The following DAB1 variants were observed in gnomAD, a reference collection of about 807,000 sequenced individuals.
The protein encoded by DAB1 is DAB adaptor protein 1, also known as disabled homolog 1.
In DAB1, 15 loss-of-function variants were observed where a neutral mutation model predicts 64.6. That is an observed-to-expected ratio of 0.23 (90% CI 0.16 to 0.36). The LOEUF (loss-of-function observed/expected upper bound fraction) is 0.36. Among genes scored for constraint, DAB1 ranks in the 10% least tolerant of loss-of-function variants. The probability of loss-of-function intolerance (pLI) is 1.00; values close to 1 mark genes in which losing one functional copy is unlikely to be tolerated. For synonymous variants in DAB1, 235 were observed against 251.9 expected, an observed-to-expected ratio of 0.93 and a Z score of 0.64; for missense variants, 596 against 706.7, an observed-to-expected ratio of 0.84 and a Z score of 1.78.
At chr1:58,219,908 A>G (rs749494428) in intron 4 of DAB1, among the ~76,000 whole-genome samples, 16 of 152,360 alleles carry the variant, frequency 1.1e-4, no homozygotes, top group Non-Finnish European at 1.8e-4. Context: ...TGTGCTTACA[A>G]TAGGCTTTTT....
chr1:58,235,381 G>A (rs1659972434), intron 4 of DAB1, among the ~76,000 whole-genome samples: 3 of 152,152 alleles, frequency 2.0e-5, no homozygotes, highest in African/African-American at 4.8e-5. Flanking sequence ...CCTATTTTGA[G>A]GCTGTTATGT....
chr1:57,735,363 G>A (rs745427093), intron 6 of DAB1, among the ~76,000 whole-genome samples: 43 of 152,082 alleles, frequency 2.8e-4, no homozygotes, highest in Admixed American at 8.5e-4. Flanking sequence ...TATCTCACTG[G>A]AGGTTTGAAG....
intron 1 of DAB1, among the ~76,000 whole-genome samples, chr1:57,301,709 A>G (rs1673674811): frequency 6.6e-6 from 1 of 152,198 alleles, no homozygotes; most frequent in Admixed American, 6.5e-5. Flanking sequence ...CAGAAAGAGA[A>G]CAGAACCGAC....
chr1:57,814,160 A>C (rs1020202998), intron 6 of DAB1, among the ~76,000 whole-genome samples: 3 of 152,152 alleles, frequency 2.0e-5, no homozygotes, highest in African/African-American at 7.2e-5. Context: ...CGAGGACACA[A>C]ATGAGTGTTT....
intron 3 of DAB1, among the ~76,000 whole-genome samples, chr1:58,474,720 T>C (rs1386143228): frequency 6.6e-6 from 1 of 152,182 alleles, no homozygotes; most frequent in African/African-American, 2.4e-5. Flanking sequence ...AAAGCAAAGA[T>C]CCCAAATAAT....
rs374527880 is a variant in DAB1 at position 57,539,746 on chromosome 1, G to A, written n.625+109846C>T. ...AATAAAAATAAATGTAATTTAAAAA[G>A]GCCAAAGATCATCTCCAACTTGTAC... On this transcript the variant is annotated intron_variant and non_coding_transcript_variant, in intron 7 of 20. Coordinates refer to the DAB1 transcript ENST00000485760. 3.3e-5 allele frequency among the ~76,000 whole-genome samples: 5 copies of A among 152,266 alleles called. No individual in the cohort carries two copies. The East Asian group carries it at 9.6e-4, about 29-fold the overall frequency.
intron 4 of DAB1, among the ~76,000 whole-genome samples, chr1:57,121,690 G>T (rs1367675184): frequency 6.6e-6 from 1 of 151,898 alleles, no homozygotes; most frequent in African/African-American, 2.4e-5. Flanking sequence ...TTACGGTTTT[G>T]GATTTTACAT....
intron 1 of DAB1, among the ~76,000 whole-genome samples, chr1:57,333,542 G>T (rs1190129557): frequency 6.6e-6 from 1 of 152,192 alleles, no homozygotes; most frequent in Non-Finnish European, 1.5e-5. Context: ...CAATAGCACA[G>T]TGCTAGGCAA....
At chr1:57,956,966 A>C (rs985056622) in intron 5 of DAB1, among the ~76,000 whole-genome samples, 4 of 152,224 alleles carry the variant, frequency 2.6e-5, no homozygotes, top group African/African-American at 4.8e-5. Flanking sequence ...GTTTCTTTGC[A>C]AACTTGCTCA....
At chr1:57,176,736 TG>T (rs956834596) in intron 2 of DAB1, among the ~76,000 whole-genome samples, 5 of 152,058 alleles carry the variant, frequency 3.3e-5, no homozygotes, top group African/African-American at 1.2e-4. Flanking sequence ...CTTCTGGTTA[TG>T]GGCAAAGATT....
intron 4 of DAB1, among the ~76,000 whole-genome samples, chr1:58,174,859 T>A (rs1656378332): frequency 6.6e-6 from 1 of 152,092 alleles, no homozygotes; most frequent in African/African-American, 2.4e-5. Context: ...AATGCACCAA[T>A]CAGTGCTCTG....
chr1:57,247,209 GT>G (rs1668951485), intron 2 of DAB1, among the ~76,000 whole-genome samples: 1 of 152,100 alleles, frequency 6.6e-6, no homozygotes, highest in Non-Finnish European at 1.5e-5. Flanking sequence ...AATTGTAATC[GT>G]CACACGTCAG....
chr1:58,470,213 A>G (rs1645342117), intron 3 of DAB1, among the ~76,000 whole-genome samples: 1 of 151,160 alleles, frequency 6.6e-6, no homozygotes, highest in Admixed American at 6.6e-5. Flanking sequence ...TCATTCTGTC[A>G]CCCAGGTTGG....
chr1:57,609,517 C>A (rs1354596206), intron 7 of DAB1, among the ~76,000 whole-genome samples: 3 of 152,124 alleles, frequency 2.0e-5, no homozygotes, highest in African/African-American at 4.8e-5. Context: ...TACCCAGGGA[C>A]AACTTTACAA....
At chr1:58,262,128 A>G (rs1012739849) in intron 4 of DAB1, among the ~76,000 whole-genome samples, 1 of 152,204 alleles carries the variant, frequency 6.6e-6, no homozygotes, top group African/African-American at 2.4e-5. Flanking sequence ...AGAATAGATA[A>G]AGTGAGATAG....
chr1:58,410,400 A>G (rs1477811458), intron 3 of DAB1, among the ~76,000 whole-genome samples: 1 of 152,184 alleles, frequency 6.6e-6, no homozygotes, highest in Admixed American at 6.5e-5. Flanking sequence ...CTGCCTTTCA[A>G]GCATCCCACC....
chr1:57,497,903 T>G (rs146226473), intron 7 of DAB1, among the ~76,000 whole-genome samples: 1,609 of 152,300 alleles, frequency 0.011, 15 homozygotes, highest in South Asian at 0.033. Flanking sequence ...ATTTTGGTTG[T>G]CATAGGGAGA....
chr1:58,339,772 T>A, intron 4 of DAB1, among the ~76,000 whole-genome samples: 1 of 152,214 alleles, frequency 6.6e-6, no homozygotes, highest in East Asian at 1.9e-4. Flanking sequence ...TAAGATAATT[T>A]TCCAAACAGA....
intron 6 of DAB1, among the ~76,000 whole-genome samples, chr1:57,659,844 G>A (rs1325298349): frequency 2.0e-5 from 3 of 151,906 alleles, no homozygotes; most frequent in Non-Finnish European, 4.4e-5. Flanking sequence ...AGGCTTGGTG[G>A]CACACCCCTG....
Sources: gnomAD v4.1 joint callset for allele counts (sites outside exome capture counted in the v4.1 genomes callset) on GRCh38, gnomAD v4.1.1 for gene constraint, MANE v1.5 for transcripts, NCBI Gene and HGNC (gene_info 2026-07-23, HGNC 2026-07-21) for gene names.